LINGO3: variants seen among roughly 807,000 people sequenced by gnomAD.
LINGO3 encodes leucine rich repeat and Ig domain containing 3.
For missense variants in LINGO3, 750 were observed against 867.7 expected, an observed-to-expected ratio of 0.86 and a Z score of 1.70; for synonymous variants, 427 against 444.2, an observed-to-expected ratio of 0.96 and a Z score of 0.49.
At chr19:2,301,692 C>T in the LINGO3 span, among the ~76,000 whole-genome samples, 4 of 151,970 alleles carry the variant, frequency 2.6e-5, no homozygotes, top group African/African-American at 7.2e-5. Context: ...CTTTGGGAGG[C>T]CGAGGAGGGC....
At chr19:2,299,032 C>T in the LINGO3 span, among the ~76,000 whole-genome samples, 3 of 152,168 alleles carry the variant, frequency 2.0e-5, no homozygotes, top group African/African-American at 4.8e-5. Context: ...CTGGACCTCG[C>T]CTGTCACGGT....
At chr19:2,299,614 C>T in the LINGO3 span, among the ~76,000 whole-genome samples, 344 of 144,160 alleles carry the variant, frequency 2.4e-3, 1 homozygote, top group Admixed American at 3.5e-3. Flanking sequence ...TTAGTAGAGA[C>T]GGGGTTTCAC....
Position 2,290,411 on chromosome 19 carries a change from G to A in LINGO3, c.1366C>T (p.Arg456Trp). Reference sequence around the variant, plus strand: ...GTCCCCCCGGGGAGCACGCGCGCCCGGCCCGCGCTGGTGGCCGTCACCGGC... The same window carrying A: ...GTCCCCCCGGGGAGCACGCGCGCCCAGCCCGCGCTGGTGGCCGTCACCGGC... The change falls in exon 1 of 1, where the codon CGG (arginine) becomes TGG (tryptophan). Residue 456 changes from arginine (R) to tryptophan (W), a missense_variant. Coordinates refer to ENST00000585527, the Ensembl canonical transcript of LINGO3. This position sits in a 1 kb window ranked among gnomAD's most constrained non-coding sequence, Gnocchi z 6.0. 7.0e-7 allele frequency: 1 copy of A among 1,424,860 alleles called. No individual in the cohort carries two copies. Among genetic ancestry groups the A allele is most frequent in the Non-Finnish European group, 9.1e-7 (1 of 1,097,312 alleles). 88.3% of individuals were successfully genotyped at this position (1,424,860 alleles called of 1,614,324 possible). A position where few individuals can be genotyped will look rare whatever the true frequency, so the allele number is the denominator to read the frequency against.
At chr19:2,303,626 G>C in the LINGO3 span, among the ~76,000 whole-genome samples, 1 of 152,224 alleles carries the variant, frequency 6.6e-6, no homozygotes, top group Non-Finnish European at 1.5e-5. Flanking sequence ...AGAGCATGGC[G>C]AGATCTGGGT....
chr19:2,287,859 G>A (rs983045107), downstream of LINGO3, among the ~76,000 whole-genome samples: 5 of 152,180 alleles, frequency 3.3e-5, no homozygotes, highest in East Asian at 7.7e-4. The surrounding 1 kb of genome is among the most constrained non-coding windows in gnomAD (Gnocchi z 4.5). Flanking sequence ...AGCCCTTCCC[G>A]CAAAGTCCTG....
the LINGO3 span, among the ~76,000 whole-genome samples, chr19:2,298,184 T>C: frequency 6.6e-6 from 1 of 152,036 alleles, no homozygotes. Context: ...CCACTGGGCC[T>C]GGTCCATTTT....
the LINGO3 span, among the ~76,000 whole-genome samples, chr19:2,301,022 A>T: frequency 2.8e-4 from 43 of 151,940 alleles, 1 homozygote; most frequent in South Asian, 7.7e-3. Flanking sequence ...CCCTGGGAGC[A>T]GAATCACCCT....
In LINGO3 at chr19:2,290,631, CG is replaced by C; in HGVS notation, c.1145del (p.Pro382ArgfsTer61). On this transcript the variant is annotated frameshift_variant, in exon 1 of 1. Coordinates refer to ENST00000585527, the Ensembl canonical transcript of LINGO3. LOFTEE classifies it low-confidence loss of function (END_TRUNC). This position sits in a 1 kb window ranked among gnomAD's most constrained non-coding sequence, Gnocchi z 6.0. The stretch of plus-strand genomic sequence containing the variant: ...GCAGCGCGTCGCCGCGCACCTCGGC[CG>C]GGGTGGCGCAGGCCGGCAGCCGCCC... The C allele has an allele frequency of 6.3e-7, 1 of 1,597,382 alleles. No homozygotes were observed.
chr19:2,289,729 C>G, downstream of LINGO3: 4 of 266,506 alleles, frequency 1.5e-5, no homozygotes, highest in Admixed American at 5.5e-5. Context: ...ATCCCCCCAT[C>G]CTTGCAGCCC....
exon 1 of LINGO3, chr19:2,292,015 C>T (rs2025529941): frequency 3.9e-6 from 2 of 514,820 alleles, no homozygotes; most frequent in Non-Finnish European, 7.3e-6. Flanking sequence ...AGCAAGACTC[C>T]CATCTCTACA....
the LINGO3 span, among the ~76,000 whole-genome samples, chr19:2,298,037 C>T: frequency 1.3e-4 from 20 of 151,238 alleles, no homozygotes; most frequent in East Asian, 3.7e-3. Context: ...TACAGGCGCC[C>T]GCCACCACAT....
At chr19:2,294,031 A>G (rs2145090322), upstream of LINGO3, among the ~76,000 whole-genome samples, 1 of 152,190 alleles carries the variant, frequency 6.6e-6, no homozygotes, top group East Asian at 1.9e-4. The surrounding 1 kb of genome is among the most constrained non-coding windows in gnomAD (Gnocchi z 4.3). Flanking sequence ...GCCACTGGGC[A>G]ACAGAGTGAG....
the LINGO3 span, among the ~76,000 whole-genome samples, chr19:2,298,633 T>C: frequency 2.0e-5 from 3 of 150,372 alleles, no homozygotes; most frequent in Non-Finnish European, 4.4e-5. Context: ...CTCTGCCTCC[T>C]GGGTTCAAGA....
chr19:2,293,901 AAGTT>A (rs1241076844), upstream of LINGO3, among the ~76,000 whole-genome samples: 1 of 151,832 alleles, frequency 6.6e-6, no homozygotes, highest in African/African-American at 2.4e-5. Flanking sequence ...AAAAATACAA[AAGTT>A]AGCCTGGCGT....
chr19:2,294,035 G>C (rs1336223178), upstream of LINGO3, among the ~76,000 whole-genome samples: 4 of 152,036 alleles, frequency 2.6e-5, no homozygotes, highest in African/African-American at 7.2e-5. This position sits in a 1 kb window ranked among gnomAD's most constrained non-coding sequence, Gnocchi z 4.3. Context: ...CTGGGCAACA[G>C]AGTGAGACTG....
chr19:2,298,452 G>C, the LINGO3 span, among the ~76,000 whole-genome samples: 4 of 151,122 alleles, frequency 2.6e-5, no homozygotes, highest in African/African-American at 9.7e-5. Flanking sequence ...GGCTGGTCTC[G>C]AACTCCTGGG....
At chr19:2,296,692 T>G (rs1490757184), upstream of LINGO3, among the ~76,000 whole-genome samples, 1 of 151,650 alleles carries the variant, frequency 6.6e-6, no homozygotes, top group Non-Finnish European at 1.5e-5. Context: ...TGGGCCAGGT[T>G]GGTTTCGAAC....
the LINGO3 span, among the ~76,000 whole-genome samples, chr19:2,297,136 G>A: frequency 6.6e-6 from 1 of 151,650 alleles, no homozygotes; most frequent in Non-Finnish European, 1.5e-5. Flanking sequence ...CCTACCCACA[G>A]CTCTCAGGCG....
exon 1 of LINGO3, chr19:2,291,185 G>A: frequency 6.2e-7 from 1 of 1,608,540 alleles, no homozygotes; most frequent in Non-Finnish European, 8.5e-7. Flanking sequence ...CCCAGGCTGC[G>A]CAGATGGCCC....
Sources: gnomAD v4.1 joint callset for allele counts (sites outside exome capture counted in the v4.1 genomes callset) on GRCh38, gnomAD v4.1.1 for gene constraint, Gnocchi (gnomAD v3.1) non-coding constraint, MANE v1.5 for transcripts, NCBI Gene and HGNC (gene_info 2026-07-23, HGNC 2026-07-21) for gene names.